Variants in PDE3A observed in about 807,000 individuals in gnomAD.
PDE3A encodes cGMP-inhibited 3',5'-cyclic phosphodiesterase 3A.
In PDE3A, 43 loss-of-function variants were observed where a neutral mutation model predicts 98.3. That is an observed-to-expected ratio of 0.44 (90% CI 0.34 to 0.56). The LOEUF is 0.56. Among genes scored for constraint, PDE3A ranks in the 20% least tolerant of loss-of-function variants. The probability of loss-of-function intolerance (pLI) is 0.01; values close to 1 mark genes in which losing one functional copy is unlikely to be tolerated. For synonymous variants in PDE3A, 663 were observed against 567.9 expected, an observed-to-expected ratio of 1.17 and a Z score of -2.38; for missense variants, 1,427 against 1,440.7, an observed-to-expected ratio of 0.99 and a Z score of 0.15.
At chr12:20,464,324 A>G (rs927902650) in intron 1 of PDE3A, among the ~76,000 whole-genome samples, 2 of 152,210 alleles carry the variant, frequency 1.3e-5, no homozygotes, top group African/African-American at 4.8e-5. Flanking sequence ...CCCCTTCAAA[A>G]TGAGGGTTAT....
intron 1 of PDE3A, among the ~76,000 whole-genome samples, chr12:20,498,444 C>G (rs536630314): frequency 6.6e-6 from 1 of 151,964 alleles, no homozygotes; most frequent in Non-Finnish European, 1.5e-5. Flanking sequence ...ATTCCCTAGA[C>G]AGCAGACTAT....
intron 1 of PDE3A, among the ~76,000 whole-genome samples, chr12:20,489,531 G>T (rs1945794052): frequency 6.6e-6 from 1 of 152,170 alleles, no homozygotes; most frequent in Non-Finnish European, 1.5e-5. Context: ...TTCTATATAT[G>T]AAAGGAAGAA....
intron 1 of PDE3A, among the ~76,000 whole-genome samples, chr12:20,491,828 A>G (rs1298069949): frequency 1.3e-5 from 2 of 152,212 alleles, no homozygotes; most frequent in South Asian, 2.1e-4. Context: ...ATCTCTTTAC[A>G]GTAGTAGTTA....
chr12:20,394,776 GC>G (rs1023479766), intron 1 of PDE3A, among the ~76,000 whole-genome samples: 4 of 151,846 alleles, frequency 2.6e-5, no homozygotes, highest in African/African-American at 9.7e-5. Flanking sequence ...TGTCAACTGG[GC>G]CAAATTTTGC....
intron 14 of PDE3A, 38 bp downstream of exon 14, chr12:20,650,638 TA>T: frequency 7.3e-7 from 1 of 1,371,610 alleles, no homozygotes; most frequent in South Asian, 1.3e-5. Context: ...AATCTGTACT[TA>T]CAGGTTGCTC....
chr12:20,673,461 C>G (rs1173696500), intron 15 of PDE3A, among the ~76,000 whole-genome samples: 11 of 139,206 alleles, frequency 7.9e-5, no homozygotes, highest in Admixed American at 3.7e-4. Flanking sequence ...AAATGTCCAA[C>G]AATGATAGAC....
At chr12:20,499,783 C>T (rs1294160824) in intron 1 of PDE3A, among the ~76,000 whole-genome samples, 1 of 152,158 alleles carries the variant, frequency 6.6e-6, no homozygotes, top group Non-Finnish European at 1.5e-5. Flanking sequence ...CATATATTTT[C>T]TCAGCTCATA....
chr12:20,632,300 A>G (rs1325261512), intron 6 of PDE3A, among the ~76,000 whole-genome samples: 2 of 152,212 alleles, frequency 1.3e-5, no homozygotes, highest in Non-Finnish European at 2.9e-5. Context: ...GTTACTTAGT[A>G]TGCAGATACG....
chr12:20,620,389 C>G (rs1944104438), intron 4 of PDE3A, among the ~76,000 whole-genome samples: 1 of 152,002 alleles, frequency 6.6e-6, no homozygotes, highest in African/African-American at 2.4e-5. Context: ...AAAACACAGA[C>G]CAAGCACTTT....
chr12:20,589,069 C>T (rs929483666), intron 2 of PDE3A, among the ~76,000 whole-genome samples: 3 of 151,900 alleles, frequency 2.0e-5, no homozygotes, highest in Admixed American at 6.6e-5. Context: ...AGTACAGGCG[C>T]CTGCCACCAC....
At chr12:20,524,410 C>G (rs1312150342) in intron 1 of PDE3A, among the ~76,000 whole-genome samples, 2 of 152,072 alleles carry the variant, frequency 1.3e-5, no homozygotes, top group African/African-American at 4.8e-5. Flanking sequence ...CTTCAGTTAT[C>G]TTCTAGAATG....
At chr12:20,542,563 G>A (rs1013849724) in intron 1 of PDE3A, among the ~76,000 whole-genome samples, 15 of 151,790 alleles carry the variant, frequency 9.9e-5, no homozygotes, top group South Asian at 2.1e-4. Context: ...TTTTCAGCAC[G>A]TAATTTTAAT....
intron 5 of PDE3A, among the ~76,000 whole-genome samples, chr12:20,627,142 T>C (rs1393796351): frequency 1.9e-5 from 1 of 52,178 alleles, no homozygotes; most frequent in South Asian, 1.1e-3. Flanking sequence ...ACTATTGTTC[T>C]GTTAAAAAAA....
intron 1 of PDE3A, among the ~76,000 whole-genome samples, chr12:20,521,936 A>G (rs1946436825): frequency 1.3e-5 from 2 of 152,022 alleles, no homozygotes; most frequent in African/African-American, 4.8e-5. Flanking sequence ...TTTATGTAGC[A>G]TTTTCACTTA....
At chr12:20,401,125 CCTT>C (rs1194964510) in intron 1 of PDE3A, among the ~76,000 whole-genome samples, 1 of 152,080 alleles carries the variant, frequency 6.6e-6, no homozygotes, top group Admixed American at 6.5e-5. Context: ...TATACCCAGT[CCTT>C]CTTTCCGTTT....
At chr12:20,448,086 G>T (rs1427021784) in intron 1 of PDE3A, among the ~76,000 whole-genome samples, 3 of 152,178 alleles carry the variant, frequency 2.0e-5, no homozygotes, top group African/African-American at 7.2e-5. Flanking sequence ...ACTGAGATGG[G>T]AAGTCACAGC....
chr12:20,556,739 G>A (rs768082296), intron 2 of PDE3A, 29 bp downstream of exon 2: 8 of 1,553,064 alleles, frequency 5.2e-6, no homozygotes, highest in African/African-American at 4.1e-5. Context: ...TCTTTTTCAC[G>A]TTTCGTTTCG....
At chr12:20,660,243 C>T (rs1255815844) in intron 15 of PDE3A, among the ~76,000 whole-genome samples, 1 of 152,316 alleles carries the variant, frequency 6.6e-6, no homozygotes, top group South Asian at 2.1e-4. Context: ...ATTATAATTT[C>T]CTGAGGCCTC....
chr12:20,387,737 T>C (rs1425926154), intron 1 of PDE3A, among the ~76,000 whole-genome samples: 3 of 152,038 alleles, frequency 2.0e-5, no homozygotes, highest in Non-Finnish European at 2.9e-5. Context: ...TAATTCTACA[T>C]TGTGGTTAAT....
Sources: allele counts gnomAD v4.1 joint callset (sites outside exome capture counted in the v4.1 genomes callset), GRCh38; gene constraint gnomAD v4.1.1; transcripts MANE v1.5; gene names NCBI Gene and HGNC (gene_info 2026-07-23, HGNC 2026-07-21).